Variants in VAV3 observed in about 807,000 individuals in gnomAD.
VAV3 encodes guanine nucleotide exchange factor VAV3.
VAV3 carries 94 observed loss-of-function variants against 131.2 expected under a neutral mutation model. The ratio of observed to expected loss-of-function variants is 0.72; its 90% CI spans 0.61 to 0.85. The LOEUF (loss-of-function observed/expected upper bound fraction) is 0.85. Ranked by LOEUF, VAV3 falls within the 40% of genes least tolerant of loss-of-function variation. VAV3 has a pLI of 0.00. For synonymous variants in VAV3, 349 were observed against 342.0 expected (o/e 1.02, Z -0.22); for missense variants, 939 against 1,002.7 (o/e 0.94, Z 0.86).
intron 15 of VAV3, among the ~76,000 whole-genome samples, chr1:107,709,991 T>C (rs374390287): frequency 2.0e-5 from 3 of 152,240 alleles, no homozygotes; most frequent in East Asian, 3.8e-4. Context: ...GTAATAAGTA[T>C]GACAGTGTAG....
intron 15 of VAV3, among the ~76,000 whole-genome samples, chr1:107,724,669 G>A (rs1028505518): frequency 5.9e-5 from 9 of 152,108 alleles, no homozygotes; most frequent in African/African-American, 2.2e-4. Flanking sequence ...TTCAATCTGA[G>A]TCTTAAAAGA....
At chr1:107,901,931 T>A (rs1571116466) in intron 1 of VAV3, among the ~76,000 whole-genome samples, 1 of 151,926 alleles carries the variant, frequency 6.6e-6, no homozygotes, top group African/African-American at 2.4e-5. Flanking sequence ...TAATCCCAGC[T>A]ACTCGGGAGG....
chr1:107,763,406 A>T (rs1445808663), intron 9 of VAV3, among the ~76,000 whole-genome samples: 1 of 152,252 alleles, frequency 6.6e-6, no homozygotes, highest in South Asian at 2.1e-4. Flanking sequence ...GACTGAGAAT[A>T]TAATGGAGGT....
chr1:107,939,647 C>T (rs1557936074), intron 1 of VAV3, among the ~76,000 whole-genome samples: 2 of 152,100 alleles, frequency 1.3e-5, no homozygotes, highest in South Asian at 2.1e-4. Flanking sequence ...GGACATAACC[C>T]CATCTAAGTC....
At chr1:107,681,376 AGCCACATGAGGATCAAGGCACGC>A (rs1446391217) in intron 19 of VAV3, among the ~76,000 whole-genome samples, 1 of 152,188 alleles carries the variant, frequency 6.6e-6, no homozygotes, top group East Asian at 1.9e-4. Flanking sequence ...TCTAAACAAT[AGCCACATGAGGATCAAGGCACGC>A]TGGTCATCAA....
At chr1:107,647,461 TC>T (rs1157323774) in intron 19 of VAV3, among the ~76,000 whole-genome samples, 5 of 151,866 alleles carry the variant, frequency 3.3e-5, no homozygotes. Flanking sequence ...AGGGAAAGTA[TC>T]CTGCCTTCAA....
intron 2 of VAV3, among the ~76,000 whole-genome samples, chr1:107,812,750 A>C (rs1470544923): frequency 6.6e-6 from 1 of 152,222 alleles, no homozygotes; most frequent in Admixed American, 6.5e-5. Flanking sequence ...GATAAAAATA[A>C]GTCTATGTCA....
chr1:107,679,786 G>A (rs1658474248), intron 19 of VAV3, among the ~76,000 whole-genome samples: 1 of 152,086 alleles, frequency 6.6e-6, no homozygotes, highest in African/African-American at 2.4e-5. Context: ...CTTGAAAAAG[G>A]CCTAGCACCT....
intron 15 of VAV3, among the ~76,000 whole-genome samples, chr1:107,740,484 A>G (rs1428771864): frequency 6.6e-6 from 1 of 152,224 alleles, no homozygotes; most frequent in Non-Finnish European, 1.5e-5. Flanking sequence ...ATTAGACAGT[A>G]AAATAATAAT....
intron 24 of VAV3, among the ~76,000 whole-genome samples, chr1:107,597,925 G>C (rs1328147634): frequency 1.3e-5 from 2 of 152,132 alleles, no homozygotes; most frequent in Non-Finnish European, 2.9e-5. Flanking sequence ...TATGAAATGG[G>C]CCTTATTCCC....
chr1:107,805,401 C>G (rs1453229101), intron 2 of VAV3, among the ~76,000 whole-genome samples: 1 of 152,168 alleles, frequency 6.6e-6, no homozygotes, highest in African/African-American at 2.4e-5. Flanking sequence ...CATCTTCAAG[C>G]TCACTGATCC....
intron 17 of VAV3, among the ~76,000 whole-genome samples, chr1:107,692,625 C>T (rs889923362): frequency 6.6e-6 from 1 of 152,058 alleles, no homozygotes; most frequent in Non-Finnish European, 1.5e-5. Context: ...TATAAAGGAG[C>T]CCGGTTCAGA....
At chr1:107,712,098 T>C (rs922344204) in intron 15 of VAV3, among the ~76,000 whole-genome samples, 1 of 152,224 alleles carries the variant, frequency 6.6e-6, no homozygotes, top group Non-Finnish European at 1.5e-5. Context: ...AAATCCTTCC[T>C]TGCAAACCAA....
chr1:107,883,465 A>G (rs1171319853), intron 1 of VAV3, among the ~76,000 whole-genome samples: 1 of 152,236 alleles, frequency 6.6e-6, no homozygotes, highest in African/African-American at 2.4e-5. Flanking sequence ...GAAAAATTAA[A>G]TGCAACGATT....
intron 1 of VAV3, among the ~76,000 whole-genome samples, chr1:107,919,132 CAA>C (rs1336765872): frequency 6.6e-6 from 1 of 152,138 alleles, no homozygotes; most frequent in African/African-American, 2.4e-5. Flanking sequence ...GAAATATACT[CAA>C]TAGTTATTCT....
At chr1:107,720,453 TA>T (rs11333111) in intron 15 of VAV3, among the ~76,000 whole-genome samples, 116,755 of 129,724 alleles carry the variant, frequency 0.9, 52,575 homozygotes, top group East Asian at 0.98. Context: ...TTAATATTGC[TA>T]AAAAAAAAAA....
chr1:107,658,793 GTTGT>G (rs1343247509), intron 19 of VAV3, among the ~76,000 whole-genome samples: 9 of 152,130 alleles, frequency 5.9e-5, no homozygotes, highest in Admixed American at 4.6e-4. Context: ...TTTTGATGGG[GTTGT>G]TTGTTTTTAT....
Position 107,775,255 on chromosome 1 carries a change from T to G in VAV3, c.446+1976A>C, listed in dbSNP as rs1319549900. Among the ~76,000 whole-genome samples, 7 of 152,124 alleles carry G rather than the reference T, an allele frequency of 4.6e-5. No homozygotes were observed. In the South Asian group the frequency reaches 1.5e-3, roughly 32 times the overall value. On this transcript the variant is annotated intron_variant, in intron 4 of 26. Coordinates refer to ENST00000370056, the MANE Select transcript of VAV3 (RefSeq NM_006113.5). ...AACAAAATGGGGAAGCTATAAAAAT[T>G]TATAGGTGTAAGTCACCACTGGTAT...
intron 1 of VAV3, among the ~76,000 whole-genome samples, chr1:107,922,206 T>C (rs1672931180): frequency 6.6e-6 from 1 of 152,124 alleles, no homozygotes; most frequent in African/African-American, 2.4e-5. Context: ...CCTCAAGTGC[T>C]GTCCACATCA....
Sources: gnomAD v4.1 joint callset for allele counts (sites outside exome capture counted in the v4.1 genomes callset) on GRCh38, gnomAD v4.1.1 for gene constraint, MANE v1.5 for transcripts, NCBI Gene and HGNC (gene_info 2026-07-23, HGNC 2026-07-21) for gene names.